Variants in PRPF18 observed in about 807,000 individuals in gnomAD.
PRPF18 encodes the protein pre-mRNA-splicing factor 18.
In PRPF18, 38 loss-of-function variants were observed where a neutral mutation model predicts 46.5. That is an observed-to-expected ratio of 0.82 (90% CI 0.63 to 1.07). The LOEUF is 1.07. Ranked by LOEUF, PRPF18 falls within the 50% of genes least tolerant of loss-of-function variation. The pLI, the probability that PRPF18 is intolerant of heterozygous loss-of-function variation, is 0.00. For synonymous variants in PRPF18, 152 were observed against 146.7 expected (o/e 1.04, Z -0.26); for missense variants, 263 against 410.0 (o/e 0.64, Z 3.10).
At chr10:13,603,469 T>C (rs988543441) in intron 3 of PRPF18, among the ~76,000 whole-genome samples, 1 of 152,242 alleles carries the variant, frequency 6.6e-6, no homozygotes, top group Admixed American at 6.5e-5. Context: ...TTTAAACTGA[T>C]AACCAGAAAA....
chr10:13,594,317 T>A (rs944305398), intron 1 of PRPF18, among the ~76,000 whole-genome samples: 3 of 152,218 alleles, frequency 2.0e-5, no homozygotes, highest in African/African-American at 7.2e-5. Flanking sequence ...TCTGTTGCTG[T>A]ATGTTGTTTT....
intron 8 of PRPF18, 111 bp from the exon 9 acceptor site, chr10:13,616,287 C>G: frequency 1.7e-6 from 2 of 1,180,036 alleles, no homozygotes; most frequent in Non-Finnish European, 2.4e-6. Context: ...TCCATGTGCC[C>G]AAAAGGTGGA....
At position 13,615,980 on chromosome 10, in the gene PRPF18, C is replaced by T. The variant is rs554548430; in HGVS notation, c.793-418C>T. ...GGAGTGGATATTGTTTAGGGTTGGA[C>T]GATGAAAAACTACTTAGCCCCTGTC... On this transcript the variant is annotated intron_variant, in intron 8 of 9. Coordinates refer to ENST00000378572, the MANE Select transcript of PRPF18 (RefSeq NM_003675.4). Among the ~76,000 whole-genome samples the T allele has an allele frequency of 1.1e-4, 17 of 152,172 alleles. No individual in the cohort carries two copies. The South Asian group carries it at 1.2e-3, about 11-fold the overall frequency.
chr10:13,653,471 G>A, the PRPF18 span: 1 of 152,302 alleles, frequency 6.6e-6, no homozygotes, highest in Non-Finnish European at 1.5e-5. Flanking sequence ...CTGCAGTCTG[G>A]GCAACAGAGT....
At position 13,601,721 on chromosome 10, in the gene PRPF18, C is replaced by T. The variant is rs551684409; in HGVS notation, c.249+1373C>T. On this transcript the variant is annotated intron_variant, in intron 3 of 9. Transcript: ENST00000378572. The stretch of plus-strand genomic sequence containing the variant: ...TTTGGGCAGGTTATCTGGTCTGTTT[C>T]TCAATTTCCTTATGTCTGAATGAGG... Among the ~76,000 whole-genome samples the T allele has an allele frequency of 5.3e-5, 8 of 152,232 alleles. 1 individual carries two copies. Among genetic ancestry groups the T allele is most frequent in the African/African-American group, 1.9e-4 (8 of 41,536 alleles).
the PRPF18 span, chr10:13,652,013 T>G: frequency 9.1e-7 from 1 of 1,094,280 alleles, no homozygotes; most frequent in Non-Finnish European, 1.4e-6. Flanking sequence ...AGAAGAGAGG[T>G]CATGTTACAG....
At chr10:13,597,568 A>G (rs191627472) in intron 2 of PRPF18, 33 bp downstream of exon 2, 181 of 1,598,288 alleles carry the variant, frequency 1.1e-4, no homozygotes, top group Non-Finnish European at 1.5e-4. Flanking sequence ...TAAATTGTAC[A>G]TTTCTGAGTT....
chr10:13,630,176 C>A (rs947696952), intron 9 of PRPF18, 84 bp from the exon 10 acceptor site: 28 of 1,151,954 alleles, frequency 2.4e-5, no homozygotes, highest in Non-Finnish European at 2.6e-6. Flanking sequence ...GGGACATTGA[C>A]AAACTGATAA....
At chr10:13,634,653 A>T (rs1261373480), downstream of PRPF18, among the ~76,000 whole-genome samples, 1 of 152,222 alleles carries the variant, frequency 6.6e-6, no homozygotes, top group African/African-American at 2.4e-5. Context: ...GTAGAATTTG[A>T]AACTTTTGGA....
chr10:13,642,629 C>T, the PRPF18 span: 2 of 152,172 alleles, frequency 1.3e-5, no homozygotes, highest in African/African-American at 4.8e-5. Flanking sequence ...TTCCTATCTA[C>T]CAGTTGCTTT....
chr10:13,592,207 C>T (rs1429365382), intron 1 of PRPF18: 7 of 614,420 alleles, frequency 1.1e-5, no homozygotes, highest in East Asian at 4.1e-5. Context: ...GGGGCTTCCC[C>T]TTCTTGGGCT....
intron 1 of PRPF18, among the ~76,000 whole-genome samples, chr10:13,590,423 C>G (rs1424349426): frequency 6.8e-6 from 1 of 146,142 alleles, no homozygotes; most frequent in East Asian, 2.0e-4. Context: ...CGGTGAAACC[C>G]CATCTCTACT....
chr10:13,614,064 T>C lies in PRPF18; in HGVS notation c.770T>C (p.Met257Thr). The change falls in exon 8 of 10, where the codon ATG (methionine) becomes ACG (threonine). Residue 257 changes from methionine to threonine, a missense_variant. By Grantham distance (81) the Met-to-Thr change is moderately conservative (BLOSUM62 -1). Coordinates refer to ENST00000378572, the MANE Select transcript of PRPF18 (RefSeq NM_003675.4). ...TCAATAACGGATATTATTAAATTCA[T>C]GTTGCAGAGAGAATACGTGAAGGTA... The part of the protein sequence containing the change: ...KESITDIIKF[M>T]LQREYVKAND... The C allele has an allele frequency of 6.3e-7, 1 of 1,586,628 alleles. No homozygotes were observed. Among genetic ancestry groups the C allele is most frequent in the East Asian group, 2.2e-5 (1 of 44,588 alleles).
At chr10:13,591,379 C>A in intron 1 of PRPF18, 1 of 413,894 alleles carries the variant, frequency 2.4e-6, no homozygotes, top group Non-Finnish European at 4.3e-6. Flanking sequence ...ATTCTTACAA[C>A]CACAAATGAT....
At chr10:13,635,859 G>GATA in the PRPF18 span, among the ~76,000 whole-genome samples, 1 of 152,108 alleles carries the variant, frequency 6.6e-6, no homozygotes, top group Non-Finnish European at 1.5e-5. Context: ...TTAATATGGA[G>GATA]ATAACACTTG....
Position 13,629,735 on chromosome 10 carries a change from C to T in PRPF18, c.949-525C>T, listed in dbSNP as rs560695465. Reference sequence around the variant, plus strand: ...TACATCGGCCTTTCCCAACCAGAGCCCCTCATCTTGACCACAGAACACAGA... The same window carrying T: ...TACATCGGCCTTTCCCAACCAGAGCTCCTCATCTTGACCACAGAACACAGA... On this transcript the variant is annotated intron_variant, in intron 9 of 9. Transcript: ENST00000378572. Among the ~76,000 whole-genome samples, 9 of 152,290 alleles carry T rather than the reference C, an allele frequency of 5.9e-5. No homozygotes were observed. The South Asian group carries it at 1.9e-3, about 32-fold the overall frequency.
chr10:13,598,675 T>TA (rs1421137437), intron 2 of PRPF18, among the ~76,000 whole-genome samples: 1 of 152,222 alleles, frequency 6.6e-6, no homozygotes, highest in Non-Finnish European at 1.5e-5. Context: ...TTTATTTGCT[T>TA]AATTAGAAAT....
chr10:13,616,272 T>C, intron 8 of PRPF18, 126 bp from the exon 9 acceptor site: 1 of 947,510 alleles, frequency 1.1e-6, no homozygotes, highest in Non-Finnish European at 1.6e-6. Context: ...GTCATGGTAA[T>C]ATTTTCCATG....
At chr10:13,638,303 T>TC in the PRPF18 span, among the ~76,000 whole-genome samples, 329 of 151,196 alleles carry the variant, frequency 2.2e-3, 1 homozygote, top group African/African-American at 7.3e-3. Flanking sequence ...GCTTTTCTTT[T>TC]TTTTTTTTTT....
Sources: allele counts gnomAD v4.1 joint callset (sites outside exome capture counted in the v4.1 genomes callset), GRCh38; gene constraint gnomAD v4.1.1; transcripts MANE v1.5; gene names NCBI Gene and HGNC (gene_info 2026-07-23, HGNC 2026-07-21).